Variants in DUSP22 observed in about 807,000 individuals in gnomAD.
DUSP22 encodes the protein dual specificity protein phosphatase 22.
A neutral mutation model predicts 24.5 loss-of-function variants in DUSP22; 24 were observed. The observed-to-expected ratio is 0.98, with a 90% confidence interval of 0.71 to 1.38. The LOEUF is 1.38. Among genes scored for constraint, DUSP22 ranks in the 40% most tolerant of loss-of-function variants. DUSP22 has a pLI of 0.00. For synonymous variants in DUSP22, 160 were observed against 106.4 expected (o/e 1.50, Z -3.10); for missense variants, 330 against 269.2 (o/e 1.23, Z -1.58).
At chr6:341,519 C>G (rs1759605801) in intron 4 of DUSP22, among the ~76,000 whole-genome samples, 1 of 152,306 alleles carries the variant, frequency 6.6e-6, no homozygotes, top group Non-Finnish European at 1.5e-5. Flanking sequence ...CGCTCGCCTG[C>G]CTCTGGGCTT....
At chr6:308,099 A>G (rs1329185130) in intron 2 of DUSP22, among the ~76,000 whole-genome samples, 3 of 152,290 alleles carry the variant, frequency 2.0e-5, no homozygotes, top group Non-Finnish European at 4.4e-5. Context: ...GTTAGGGTGC[A>G]CATGACCTTC....
At chr6:297,878 C>A (rs1270421765) in intron 1 of DUSP22, among the ~76,000 whole-genome samples, 2 of 152,308 alleles carry the variant, frequency 1.3e-5, no homozygotes, top group Non-Finnish European at 2.9e-5. Context: ...CCTGCGTAAT[C>A]CAGTCATCCA....
chr6:327,166 G>A (rs1167314657), intron 3 of DUSP22, among the ~76,000 whole-genome samples: 4 of 152,308 alleles, frequency 2.6e-5, no homozygotes, highest in African/African-American at 9.6e-5. Context: ...AGGAAACTAA[G>A]AGCTTCCAGG....
intron 2 of DUSP22, among the ~76,000 whole-genome samples, chr6:308,568 G>A (rs752539459): frequency 6.6e-6 from 1 of 152,304 alleles, no homozygotes; most frequent in African/African-American, 2.4e-5. Context: ...GAGTCCAGCC[G>A]GCAGTGGGCT....
chr6:316,072 A>G (rs1181371209), intron 3 of DUSP22, among the ~76,000 whole-genome samples: 2 of 152,310 alleles, frequency 1.3e-5, no homozygotes, highest in African/African-American at 4.8e-5. Context: ...GATCCCTGGC[A>G]TTCCAGCTGG....
At chr6:293,275 T>C (rs1363457486) in intron 1 of DUSP22, among the ~76,000 whole-genome samples, 1 of 152,294 alleles carries the variant, frequency 6.6e-6, no homozygotes, top group Non-Finnish European at 1.5e-5. Flanking sequence ...GGCGGTGGGC[T>C]AGCCTTTCCC....
At chr6:348,538 C>A in intron 6 of DUSP22, 1 of 859,170 alleles carries the variant, frequency 1.2e-6, no homozygotes, top group Non-Finnish European at 1.8e-6. Context: ...GGGTGACGTA[C>A]CATTTCCTTG....
At chr6:334,640 A>T (rs1354251631) in intron 3 of DUSP22, among the ~76,000 whole-genome samples, 1 of 152,302 alleles carries the variant, frequency 6.6e-6, no homozygotes, top group Non-Finnish European at 1.5e-5. Context: ...GTGAAATTGT[A>T]GCTGTCATGG....
intron 4 of DUSP22, among the ~76,000 whole-genome samples, chr6:337,355 CTG>C (rs1759401476): frequency 6.6e-6 from 1 of 152,310 alleles, no homozygotes; most frequent in African/African-American, 2.4e-5. Flanking sequence ...TCTGCGAACT[CTG>C]AGCACTTGTA....
At chr6:323,991 G>A (rs957006601) in intron 3 of DUSP22, among the ~76,000 whole-genome samples, 5 of 152,304 alleles carry the variant, frequency 3.3e-5, no homozygotes, top group African/African-American at 7.2e-5. Flanking sequence ...ATGCCCTGAA[G>A]AAGAAAAGAT....
intron 4 of DUSP22, 89 bp from the exon 5 acceptor site, chr6:345,765 T>A (rs1759834776): frequency 6.7e-7 from 1 of 1,500,386 alleles, no homozygotes; most frequent in Non-Finnish European, 9.1e-7. Flanking sequence ...CAATTAACAT[T>A]TTAAGAAAGA....
intron 1 of DUSP22, among the ~76,000 whole-genome samples, 196 bp from the exon 2 acceptor site, chr6:304,432 C>G (rs186285400): frequency 6.6e-6 from 1 of 152,306 alleles, no homozygotes; most frequent in Non-Finnish European, 1.5e-5. Context: ...CTAAACCCAG[C>G]GAGTCGATGG....
At chr6:304,770 T>C (rs1757745744) in intron 2 of DUSP22, 109 bp downstream of exon 2, 1 of 1,467,446 alleles carries the variant, frequency 6.8e-7, no homozygotes, top group Admixed American at 1.7e-5. Flanking sequence ...TTTGCATTGC[T>C]GTGCAGCCAT....
At chr6:324,152 G>A (rs943507101) in intron 3 of DUSP22, among the ~76,000 whole-genome samples, 17 of 152,414 alleles carry the variant, frequency 1.1e-4, no homozygotes, top group East Asian at 3.9e-4. Flanking sequence ...GCTTGCAGCC[G>A]CATGGCTACC....
intron 1 of DUSP22, among the ~76,000 whole-genome samples, chr6:296,680 C>G (rs1311788755): frequency 6.6e-6 from 1 of 152,244 alleles, no homozygotes; most frequent in African/African-American, 2.4e-5. Flanking sequence ...TACAATACCC[C>G]ATTAAAAACA....
At chr6:317,606 A>G (rs1758391879) in intron 3 of DUSP22, among the ~76,000 whole-genome samples, 1 of 152,240 alleles carries the variant, frequency 6.6e-6, no homozygotes, top group East Asian at 1.9e-4. Flanking sequence ...GCCATGAGAC[A>G]CGTGTGCACT....
intron 5 of DUSP22, 86 bp downstream of exon 5, chr6:346,014 G>C: frequency 6.6e-7 from 1 of 1,519,972 alleles, no homozygotes; most frequent in Non-Finnish European, 9.1e-7. Flanking sequence ...TGTGAATAAT[G>C]GTTTCACCTC....
intron 2 of DUSP22, among the ~76,000 whole-genome samples, chr6:309,119 C>G (rs1170493232): frequency 2.0e-5 from 3 of 152,312 alleles, no homozygotes; most frequent in African/African-American, 4.8e-5. Flanking sequence ...TAATTCTAAG[C>G]TAGCCTTGCT....
At chr6:343,896 T>C (rs1303089348) in intron 4 of DUSP22, among the ~76,000 whole-genome samples, 1 of 152,308 alleles carries the variant, frequency 6.6e-6, no homozygotes, top group Admixed American at 6.5e-5. Flanking sequence ...TCAGAGTCCC[T>C]GGCAAATTGT....
Sources: allele counts gnomAD v4.1 joint callset (sites outside exome capture counted in the v4.1 genomes callset), GRCh38; gene constraint gnomAD v4.1.1; transcripts MANE v1.5; gene names NCBI Gene and HGNC (gene_info 2026-07-23, HGNC 2026-07-21).